MYO3B: variants seen among roughly 807,000 people sequenced by gnomAD.
MYO3B encodes myosin IIIB.
A neutral mutation model predicts 174.6 loss-of-function variants in MYO3B; 156 were observed. The ratio of observed to expected loss-of-function variants is 0.89; its 90% CI spans 0.78 to 1.02. The LOEUF (loss-of-function observed/expected upper bound fraction) is 1.02. Among genes scored for constraint, MYO3B ranks in the 50% least tolerant of loss-of-function variants. The probability of loss-of-function intolerance (pLI) is 0.00; values close to 1 mark genes in which losing one functional copy is unlikely to be tolerated. For missense variants in MYO3B, 1,632 were observed against 1,639.4 expected (o/e 1.00, Z 0.08); for synonymous variants, 563 against 569.1 (o/e 0.99, Z 0.15).
chr2:170,198,231 A>C (rs1046310343), intron 1 of MYO3B, among the ~76,000 whole-genome samples: 2 of 149,630 alleles, frequency 1.3e-5, no homozygotes, highest in Non-Finnish European at 3.0e-5. Flanking sequence ...ACTATTCTTC[A>C]TTTTCCCTCC....
At chr2:170,327,246 G>A (rs1168696553) in intron 7 of MYO3B, among the ~76,000 whole-genome samples, 2 of 152,162 alleles carry the variant, frequency 1.3e-5, no homozygotes, top group Non-Finnish European at 2.9e-5. Context: ...TTAGCTGGGT[G>A]TGATGGCACA....
chr2:170,551,538 C>CAAAAA (rs3072763), intron 32 of MYO3B, among the ~76,000 whole-genome samples: 2 of 56,202 alleles, frequency 3.6e-5, no homozygotes, highest in East Asian at 6.6e-4. Context: ...TGACTTTTTG[C>CAAAAA]AAAAAAAAAA....
intron 32 of MYO3B, among the ~76,000 whole-genome samples, chr2:170,595,867 A>T (rs1694115178): frequency 7.4e-6 from 1 of 135,506 alleles, no homozygotes; most frequent in Non-Finnish European, 1.5e-5. Context: ...CAGCCAGCCT[A>T]ACTAATGAAT....
chr2:170,540,486 C>G (rs1690018270), intron 30 of MYO3B, among the ~76,000 whole-genome samples: 1 of 151,712 alleles, frequency 6.6e-6, no homozygotes, highest in Admixed American at 6.6e-5. Context: ...TGCTATATTG[C>G]CCAAGCTAAT....
rs79479732 is a variant in MYO3B, at chr2:170,275,011, T to C, written c.749+38875T>C. Among the ~76,000 whole-genome samples the C allele has an allele frequency of 3.3e-3, 510 of 152,294 alleles. 12 individuals carry two copies. The highest frequency in any genetic ancestry group is 0.024 in the Admixed American group (366 of 15,290). On this transcript the variant is annotated intron_variant, in intron 7 of 34. Coordinates refer to ENST00000408978, the MANE Select transcript of MYO3B (RefSeq NM_138995.5). ...TCAAAAATGTTGCCAAAATAGAAAG[T>C]ACTATTTCTCTACTTTCCAGTTCTG...
At position 170,621,791 on chromosome 2, in the gene MYO3B, G is replaced by T. The variant is rs141276186; in HGVS notation, c.3734-29837G>T. On this transcript the variant is annotated intron_variant, in intron 32 of 34. Transcript: ENST00000408978. ...CCTCCCAAAGTACTGGGGCCACCGTGAGCCACCAGGCATTAGCCACCATGC... is the reference window on the plus strand; with the variant it reads ...CCTCCCAAAGTACTGGGGCCACCGTTAGCCACCAGGCATTAGCCACCATGC... Among the ~76,000 whole-genome samples the T allele has an allele frequency of 5.9e-5, 9 of 152,190 alleles. No homozygotes were observed. In the East Asian group the frequency reaches 1.5e-3, roughly 26 times the overall value.
Position 170,574,624 on chromosome 2 carries a change from A to T in MYO3B, c.3733+30636A>T, listed in dbSNP as rs560832856. 3.5e-4 allele frequency among the ~76,000 whole-genome samples: 53 copies of T among 152,316 alleles called. 1 individual carries two copies. In the South Asian group the frequency reaches 0.011, roughly 32 times the overall value. ...GAAATACTCTTTGTAAAGTTAAAAC[A>T]CGATTCTCTTGTAAAAAGGACAGTT... On this transcript the variant is annotated intron_variant, in intron 32 of 34. Coordinates refer to ENST00000408978, the MANE Select transcript of MYO3B (RefSeq NM_138995.5).
At chr2:170,323,568 T>C (rs1444712372) in intron 7 of MYO3B, among the ~76,000 whole-genome samples, 2 of 152,296 alleles carry the variant, frequency 1.3e-5, no homozygotes, top group South Asian at 2.1e-4. Context: ...ATGGTTGTAA[T>C]TGTGGACTTT....
At chr2:170,582,341 C>T (rs1303390907) in intron 32 of MYO3B, among the ~76,000 whole-genome samples, 5 of 152,280 alleles carry the variant, frequency 3.3e-5, no homozygotes, top group African/African-American at 4.8e-5. Flanking sequence ...ATAAAGGCTT[C>T]GTGGCAAATG....
intron 7 of MYO3B, among the ~76,000 whole-genome samples, chr2:170,282,698 T>C (rs756776541): frequency 1.3e-5 from 2 of 152,160 alleles, no homozygotes; most frequent in Non-Finnish European, 2.9e-5. Flanking sequence ...TTGATTAGCA[T>C]GATCATTTAA....
At chr2:170,301,851 C>T (rs982776617) in intron 7 of MYO3B, among the ~76,000 whole-genome samples, 8 of 140,936 alleles carry the variant, frequency 5.7e-5, no homozygotes, top group Middle Eastern at 3.8e-3. Context: ...CGACATAGAG[C>T]GGCCACATAG....
intron 1 of MYO3B, among the ~76,000 whole-genome samples, chr2:170,190,188 C>CCAAA (rs1175841830): frequency 6.6e-6 from 1 of 152,118 alleles, no homozygotes; most frequent in East Asian, 1.9e-4. Flanking sequence ...TTACTTTCTC[C>CCAAA]CAAACAAACA....
At chr2:170,608,173 A>C (rs1694928314) in intron 32 of MYO3B, among the ~76,000 whole-genome samples, 1 of 152,236 alleles carries the variant, frequency 6.6e-6, no homozygotes, top group African/African-American at 2.4e-5. Context: ...GGGCCACTGC[A>C]CTACAGCCTA....
Position 170,407,758 on chromosome 2 carries a change from C to A in MYO3B, c.2564C>A (p.Thr855Asn). The A allele has an allele frequency of 6.2e-7, 1 of 1,614,082 alleles. No individual in the cohort carries two copies. The highest frequency in any genetic ancestry group is 8.5e-7 in the Non-Finnish European group (1 of 1,179,974). Residue 855 changes from threonine (T) to asparagine (N), a missense_variant, in exon 22 of 35, where the codon ACT (threonine) becomes AAT (asparagine). By Grantham distance (65) the Thr-to-Asn change is moderately conservative. Coordinates refer to ENST00000408978, the MANE Select transcript of MYO3B (RefSeq NM_138995.5). Reference protein sequence around the residue: ...ASGVLEKNRDTLPADVVVVLR... With the variant: ...ASGVLEKNRDNLPADVVVVLR... The stretch of plus-strand genomic sequence containing the variant: ...GGGGTTCTTGAGAAAAATAGAGACA[C>A]TCTCCCTGCCGATGTGGTTGTGGTC...
intron 7 of MYO3B, among the ~76,000 whole-genome samples, chr2:170,327,886 A>C (rs200576984): frequency 6.1e-5 from 6 of 98,618 alleles, no homozygotes; most frequent in African/African-American, 1.8e-4. Flanking sequence ...CACTATATAT[A>C]GTATATATAT....
intron 32 of MYO3B, among the ~76,000 whole-genome samples, chr2:170,584,529 T>G (rs1199968742): frequency 6.6e-6 from 1 of 152,250 alleles, no homozygotes. Flanking sequence ...AATACAGTTC[T>G]CTTCAACTAT....
intron 22 of MYO3B, among the ~76,000 whole-genome samples, chr2:170,423,675 G>C (rs935455492): frequency 6.7e-6 from 1 of 149,242 alleles, no homozygotes; most frequent in Admixed American, 6.8e-5. Context: ...CCGCCTCCTG[G>C]GTTCAAGTGA....
At chr2:170,633,837 G>C (rs1446113899) in intron 32 of MYO3B, among the ~76,000 whole-genome samples, 1 of 152,154 alleles carries the variant, frequency 6.6e-6, no homozygotes, top group African/African-American at 2.4e-5. Flanking sequence ...CAAACAGAGA[G>C]CCAAATCATG....
Position 170,499,722 on chromosome 2 carries a change from AG to A in MYO3B, c.3205del (p.Ala1069HisfsTer42), listed in dbSNP as rs770747074. The stretch of plus-strand genomic sequence containing the variant: ...GTCATAGGCAGAGTGGTTGTGCTGC[AG>A]GCATATACCAAGGGGTGGCTTGGAG... Reference protein sequence around the residue: ...REVIGRVVVLQAYTKGWLGAR... With the variant: ...REVIGRVVVLXAYTKGWLGAR... On this transcript the variant is annotated frameshift_variant, in exon 27 of 35. Transcript: ENST00000408978. LOFTEE classifies it high-confidence loss of function. 1.2e-6 allele frequency: 2 copies of A among 1,614,058 alleles called. No individual in the cohort carries two copies. The highest frequency in any genetic ancestry group is 2.2e-5 in the South Asian group (2 of 91,090).
Sources: gnomAD v4.1 joint callset for allele counts (sites outside exome capture counted in the v4.1 genomes callset) on GRCh38, gnomAD v4.1.1 for gene constraint, MANE v1.5 for transcripts, NCBI Gene and HGNC (gene_info 2026-07-23, HGNC 2026-07-21) for gene names.